Variants in LRCH1 observed in about 807,000 individuals in gnomAD.
LRCH1 encodes the protein leucine-rich repeat and calponin homology domain-containing protein 1.
LRCH1 carries 23 observed loss-of-function variants against 94.9 expected under a neutral mutation model. The ratio of observed to expected loss-of-function variants is 0.24; its 90% CI spans 0.17 to 0.34. The LOEUF is 0.34. LRCH1 is among the 10% of genes least tolerant of loss of function. LRCH1 has a pLI of 1.00. For missense variants in LRCH1, 790 were observed against 945.9 expected, an observed-to-expected ratio of 0.84 and a Z score of 2.16; for synonymous variants, 364 against 354.9, an observed-to-expected ratio of 1.03 and a Z score of -0.29.
intron 17 of LRCH1, among the ~76,000 whole-genome samples, chr13:46,724,452 A>G (rs1374537713): frequency 3.9e-5 from 6 of 152,232 alleles, no homozygotes; most frequent in Admixed American, 2.0e-4. Context: ...TTTTAAATCA[A>G]TTATCTAATA....
chr13:46,720,975 C>A (rs947914827), intron 16 of LRCH1, among the ~76,000 whole-genome samples: 1 of 152,138 alleles, frequency 6.6e-6, no homozygotes, highest in Non-Finnish European at 1.5e-5. Flanking sequence ...TTAAAAAATA[C>A]AGTTCAATTG....
intron 4 of LRCH1, among the ~76,000 whole-genome samples, chr13:46,682,076 G>A (rs1010815558): frequency 6.6e-6 from 1 of 152,148 alleles, no homozygotes; most frequent in African/African-American, 2.4e-5. Context: ...CCTAGGTAAT[G>A]CTGTGGGGCA....
At chr13:46,636,058 CCTTTT>C (rs2051084184) in intron 1 of LRCH1, among the ~76,000 whole-genome samples, 1 of 132,642 alleles carries the variant, frequency 7.5e-6, no homozygotes, top group Non-Finnish European at 1.6e-5. Flanking sequence ...ACCATGTCAA[CCTTTT>C]TTTTTTTTTT....
chr13:46,617,914 T>C (rs9534439), intron 1 of LRCH1, among the ~76,000 whole-genome samples: 131,855 of 152,164 alleles, frequency 0.87, 57,428 homozygotes, highest in African/African-American at 0.95. Flanking sequence ...TGCTGAGCAC[T>C]AGGTATTACT....
intron 1 of LRCH1, among the ~76,000 whole-genome samples, chr13:46,609,756 A>T (rs901746258): frequency 1.3e-5 from 2 of 152,162 alleles, no homozygotes; most frequent in African/African-American, 4.8e-5. Context: ...AGTAATTTTT[A>T]AAAATTTATA....
At chr13:46,726,949 G>A (rs1320564742) in intron 17 of LRCH1, among the ~76,000 whole-genome samples, 2 of 150,338 alleles carry the variant, frequency 1.3e-5, no homozygotes, top group Admixed American at 6.6e-5. Context: ...AAATGTCCAG[G>A]TTTCCACTGC....
chr13:46,572,002 G>A (rs1023387425), intron 1 of LRCH1, among the ~76,000 whole-genome samples: 1 of 151,986 alleles, frequency 6.6e-6, no homozygotes, highest in Non-Finnish European at 1.5e-5. Context: ...AGAGGAGGGG[G>A]TCTTCTCACT....
At chr13:46,628,025 TG>T (rs1594297865) in intron 1 of LRCH1, among the ~76,000 whole-genome samples, 1 of 152,124 alleles carries the variant, frequency 6.6e-6, no homozygotes, top group Non-Finnish European at 1.5e-5. Flanking sequence ...AATATTGGTT[TG>T]GGGCAGTCTG....
chr13:46,714,671 A>C (rs938535398), intron 15 of LRCH1, among the ~76,000 whole-genome samples: 1 of 152,162 alleles, frequency 6.6e-6, no homozygotes, highest in Non-Finnish European at 1.5e-5. Context: ...CCAAATATTT[A>C]TATCTAGAAC....
chr13:46,712,466 A>G lies in LRCH1; in HGVS notation c.1582-59A>G, dbSNP rs563974154. On this transcript the variant is annotated intron_variant, in intron 14 of 19. Transcript: ENST00000389797. Reference sequence around the variant, plus strand: ...AATCCTTGAACATAGAAAACCATACATAGTTCTTCTGTTTTCCTTTTATTT... The same window carrying G: ...AATCCTTGAACATAGAAAACCATACGTAGTTCTTCTGTTTTCCTTTTATTT... 19 of 1,286,528 alleles carry G rather than the reference A, an allele frequency of 1.5e-5. No homozygotes were observed. The African/African-American group carries it at 2.4e-4, about 16-fold the overall frequency. The allele number at this position is 1,286,528 out of a possible 1,614,324, so 79.7% of individuals were successfully genotyped here.
At chr13:46,587,587 G>A (rs910481595) in intron 1 of LRCH1, among the ~76,000 whole-genome samples, 3 of 152,180 alleles carry the variant, frequency 2.0e-5, no homozygotes, top group Non-Finnish European at 4.4e-5. Flanking sequence ...ATTGATGAAC[G>A]AGTCTCTTTT....
chr13:46,726,249 TAAAAC>T (rs1181834383), intron 17 of LRCH1, among the ~76,000 whole-genome samples: 1 of 152,028 alleles, frequency 6.6e-6, no homozygotes, highest in Non-Finnish European at 1.5e-5. Context: ...TAGACATACA[TAAAAC>T]AAATGTAAGA....
chr13:46,698,681 C>G (rs1390909243), intron 9 of LRCH1, among the ~76,000 whole-genome samples: 3 of 152,066 alleles, frequency 2.0e-5, no homozygotes. Context: ...AGGGATCTCT[C>G]AATACAAGAA....
chr13:46,743,076 G>T lies in LRCH1; in HGVS notation c.*1228G>T. On this transcript the variant is annotated 3_prime_UTR_variant, in exon 20 of 20. Coordinates refer to ENST00000389797, the MANE Select transcript of LRCH1 (RefSeq NM_001164211.2). ...TAATATGAGAGGGCCTTGTTCCAAG[G>T]TCAAGGCAGCCTCCTTATTTTACAT... The T allele has an allele frequency of 1.0e-6, 1 of 985,416 alleles. No individual in the cohort carries two copies. Among genetic ancestry groups the T allele is most frequent in the Non-Finnish European group, 1.2e-6 (1 of 829,922 alleles). 61.0% of individuals were successfully genotyped at this position (985,416 alleles called of 1,614,324 possible).
intron 1 of LRCH1, among the ~76,000 whole-genome samples, chr13:46,594,683 G>A (rs993501845): frequency 1.3e-5 from 2 of 152,182 alleles, no homozygotes; most frequent in African/African-American, 4.8e-5. Flanking sequence ...GGCTGAATTA[G>A]TTCATATGAG....
chr13:46,605,057 TG>T (rs2050672934), intron 1 of LRCH1, among the ~76,000 whole-genome samples: 1 of 152,228 alleles, frequency 6.6e-6, no homozygotes, highest in Non-Finnish European at 1.5e-5. Flanking sequence ...AATCCCTTTG[TG>T]TGGAGAGGCC....
intron 1 of LRCH1, among the ~76,000 whole-genome samples, chr13:46,560,737 G>T (rs1233316538): frequency 6.6e-6 from 1 of 152,140 alleles, no homozygotes; most frequent in Non-Finnish European, 1.5e-5. Context: ...AAAAAGAAAA[G>T]AAAGGTCAGG....
intron 10 of LRCH1, among the ~76,000 whole-genome samples, chr13:46,699,858 A>AAAGGGCACATGTCCTAAAG (rs1320985050): frequency 6.6e-6 from 1 of 152,196 alleles, no homozygotes; most frequent in Admixed American, 6.5e-5. Context: ...ATCATGTGCC[A>AAAGGGCACATGTCCTAAAG]GGCATTGTCC....
intron 1 of LRCH1, among the ~76,000 whole-genome samples, chr13:46,603,700 G>A (rs1249911174): frequency 6.6e-6 from 1 of 152,122 alleles, no homozygotes; most frequent in African/African-American, 2.4e-5. Flanking sequence ...TGAGGGTCTC[G>A]CTTTGGAGTG....
Sources: gnomAD v4.1 joint callset for allele counts (sites outside exome capture counted in the v4.1 genomes callset) on GRCh38, gnomAD v4.1.1 for gene constraint, MANE v1.5 for transcripts, NCBI Gene and HGNC (gene_info 2026-07-23, HGNC 2026-07-21) for gene names.